The following ASPH variants were observed in gnomAD, a reference collection of about 807,000 sequenced individuals.
The protein encoded by ASPH is aspartyl/asparaginyl beta-hydroxylase.
Under a neutral mutation model 118.4 loss-of-function variants are expected in ASPH, and 100 were observed. The ratio of observed to expected loss-of-function variants is 0.84; its 90% CI spans 0.72 to 1.00. ASPH has a LOEUF of 1.00. ASPH is among the 50% of genes least tolerant of loss of function. The pLI is 0.00. For missense variants in ASPH, 920 were observed against 919.5 expected, an observed-to-expected ratio of 1.00 and a Z score of -0.01; for synonymous variants, 315 against 325.6, an observed-to-expected ratio of 0.97 and a Z score of 0.35.
At chr8:61,520,047 T>C (rs573213048) in intron 22 of ASPH, among the ~76,000 whole-genome samples, 1 of 152,206 alleles carries the variant, frequency 6.6e-6, no homozygotes, top group Admixed American at 6.5e-5. Context: ...AAACACTATT[T>C]TTATTGGACT....
At chr8:61,683,388 T>A (rs1225045096) in intron 2 of ASPH, among the ~76,000 whole-genome samples, 2 of 151,692 alleles carry the variant, frequency 1.3e-5, no homozygotes, top group Admixed American at 1.3e-4. Flanking sequence ...TAACAAAGAA[T>A]CATTAATGTA....
At chr8:61,611,404 C>T (rs919423000) in intron 14 of ASPH, among the ~76,000 whole-genome samples, 7 of 152,144 alleles carry the variant, frequency 4.6e-5, no homozygotes, top group African/African-American at 1.4e-4. Context: ...AATATTCTTT[C>T]GGCCACACAG....
chr8:61,651,705 T>C (rs1811082538), intron 4 of ASPH, among the ~76,000 whole-genome samples: 1 of 152,240 alleles, frequency 6.6e-6, no homozygotes, highest in Admixed American at 6.5e-5. Context: ...CTTTCAGCTT[T>C]GGAGAACCAC....
At chr8:61,584,507 T>G (rs1482703578) in intron 14 of ASPH, among the ~76,000 whole-genome samples, 1 of 152,192 alleles carries the variant, frequency 6.6e-6, no homozygotes, top group African/African-American at 2.4e-5. Flanking sequence ...GTCCTTCCAG[T>G]GCATCCTGGA....
At chr8:61,675,167 A>G (rs983298767) in intron 3 of ASPH, 3 of 417,544 alleles carry the variant, frequency 7.2e-6, no homozygotes, top group African/African-American at 6.5e-5. Flanking sequence ...TACCACTTCA[A>G]TAAGTTTATA....
chr8:61,523,059 C>A (rs965627224), intron 22 of ASPH, among the ~76,000 whole-genome samples: 3 of 152,200 alleles, frequency 2.0e-5, no homozygotes, highest in Non-Finnish European at 4.4e-5. Flanking sequence ...GACTACCCAG[C>A]AGCATGATTT....
intron 3 of ASPH, chr8:61,663,223 C>T (rs1340725643): frequency 2.0e-6 from 2 of 985,270 alleles, no homozygotes; most frequent in Non-Finnish European, 2.4e-6. Context: ...TCCCAGAAGC[C>T]CTACATTTGA....
intron 5 of ASPH, 143 bp from the exon 6 acceptor site, chr8:61,647,021 A>G: frequency 9.2e-7 from 1 of 1,085,972 alleles, no homozygotes; most frequent in Non-Finnish European, 1.3e-6. Context: ...TGTCCACTCC[A>G]CAGCTATTTT....
intron 1 of ASPH, among the ~76,000 whole-genome samples, chr8:61,703,292 T>A (rs1050034024): frequency 2.0e-5 from 3 of 152,164 alleles, no homozygotes; most frequent in African/African-American, 7.2e-5. Context: ...GAAATCCTAA[T>A]TAGTGCAGTA....
chr8:61,518,991 G>A (rs1411941432), intron 22 of ASPH, among the ~76,000 whole-genome samples: 2 of 152,180 alleles, frequency 1.3e-5, no homozygotes. Context: ...ACATGGAGAC[G>A]ACAGTATCAC....
At chr8:61,577,399 CAAAAAAAAAAAAAAA>C (rs775523503) in intron 15 of ASPH, among the ~76,000 whole-genome samples, 27 of 23,290 alleles carry the variant, frequency 1.2e-3, no homozygotes, top group African/African-American at 5.0e-3. Flanking sequence ...CCCAATCTCG[CAAAAAAAAAAAAAAA>C]AAAAAAAAAG....
chr8:61,616,495 A>G (rs1849084945), intron 14 of ASPH, among the ~76,000 whole-genome samples: 1 of 152,236 alleles, frequency 6.6e-6, no homozygotes, highest in South Asian at 2.1e-4. Flanking sequence ...TCCCAGAAGC[A>G]AACCAGTCAA....
At chr8:61,521,229 A>C (rs886659957) in intron 22 of ASPH, among the ~76,000 whole-genome samples, 1 of 152,180 alleles carries the variant, frequency 6.6e-6, no homozygotes, top group Non-Finnish European at 1.5e-5. Flanking sequence ...CAGGAATTTC[A>C]ATTCAGCCAG....
chr8:61,605,566 T>A (rs1385104608), intron 14 of ASPH, among the ~76,000 whole-genome samples: 1 of 152,190 alleles, frequency 6.6e-6, no homozygotes, highest in African/African-American at 2.4e-5. Flanking sequence ...CTGCAAGAAT[T>A]TTCTAGAATT....
At chr8:61,690,560 A>G (rs1252969281) in intron 1 of ASPH, among the ~76,000 whole-genome samples, 1 of 152,186 alleles carries the variant, frequency 6.6e-6, no homozygotes, top group Non-Finnish European at 1.5e-5. Flanking sequence ...TGGGAAATAA[A>G]ATCAGCCATT....
chr8:61,517,811 G>C (rs1811454733), intron 23 of ASPH, 150 bp from the exon 24 acceptor site: 10 of 1,247,268 alleles, frequency 8.0e-6, no homozygotes, highest in Non-Finnish European at 1.1e-5. Flanking sequence ...CTTTGTGAAG[G>C]AACTAAAAAT....
intron 14 of ASPH, among the ~76,000 whole-genome samples, chr8:61,586,071 T>C (rs1293549474): frequency 6.6e-6 from 1 of 152,164 alleles, no homozygotes; most frequent in Non-Finnish European, 1.5e-5. Flanking sequence ...TTTTGCAACA[T>C]TTGACACAGT....
At chr8:61,669,076 T>TTTCCA (rs1290710617) in intron 3 of ASPH, among the ~76,000 whole-genome samples, 2 of 152,190 alleles carry the variant, frequency 1.3e-5, no homozygotes, top group Non-Finnish European at 2.9e-5. Flanking sequence ...AGGTGCAATG[T>TTTCCA]AGTGTTCATC....
intron 1 of ASPH, among the ~76,000 whole-genome samples, chr8:61,705,729 C>T (rs951497949): frequency 6.6e-6 from 1 of 152,048 alleles, no homozygotes; most frequent in African/African-American, 2.4e-5. Flanking sequence ...CTCCTCAGAT[C>T]AGACACTAAA....
Sources: gnomAD v4.1 joint callset for allele counts (sites outside exome capture counted in the v4.1 genomes callset) on GRCh38, gnomAD v4.1.1 for gene constraint, MANE v1.5 for transcripts, NCBI Gene and HGNC (gene_info 2026-07-23, HGNC 2026-07-21) for gene names.